FSTL5: variants seen among roughly 807,000 people sequenced by gnomAD.
FSTL5 encodes the protein follistatin like 5.
A neutral mutation model predicts 89.1 loss-of-function variants in FSTL5; 62 were observed. The observed-to-expected ratio is 0.70, with a 90% CI of 0.57 to 0.86. The LOEUF is 0.86. FSTL5 is among the 40% of genes least tolerant of loss of function. The pLI is 0.00. For synonymous variants in FSTL5, 383 were observed against 346.2 expected, an observed-to-expected ratio of 1.11 and a Z score of -1.18; for missense variants, 1,057 against 1,001.6, an observed-to-expected ratio of 1.06 and a Z score of -0.75.
intron 6 of FSTL5, among the ~76,000 whole-genome samples, chr4:161,675,202 A>T (rs531031345): frequency 6.7e-6 from 1 of 150,174 alleles, no homozygotes; most frequent in African/African-American, 2.5e-5. Context: ...TCATTAAGAA[A>T]CGTCACACAA....
rs185098522 is a variant in FSTL5 at position 161,920,387 on chromosome 4, G to T, written c.409+17C>A. 334 of 1,610,224 alleles carry T rather than the reference G, an allele frequency of 2.1e-4. No homozygotes were observed. Among genetic ancestry groups the T allele is most frequent in the Non-Finnish European group, 2.2e-4 (256 of 1,177,440 alleles). On this transcript the variant is annotated intron_variant, in intron 4 of 15. Coordinates refer to ENST00000306100, the MANE Select transcript of FSTL5 (RefSeq NM_020116.5). ...GAAATAGAGTGGGGTGACACTTAAGGTTCACCCTTCATTTACCTTTAAAGA... is the reference window on the plus strand; with the variant it reads ...GAAATAGAGTGGGGTGACACTTAAGTTTCACCCTTCATTTACCTTTAAAGA...
intron 6 of FSTL5, among the ~76,000 whole-genome samples, chr4:161,739,433 C>A (rs1739928219): frequency 1.3e-5 from 2 of 152,124 alleles, no homozygotes; most frequent in Admixed American, 6.5e-5. Flanking sequence ...TTGTTCAAGC[C>A]ACCCAATCTG....
At chr4:161,739,696 C>T (rs1739936732) in intron 6 of FSTL5, among the ~76,000 whole-genome samples, 1 of 151,984 alleles carries the variant, frequency 6.6e-6, no homozygotes, top group Non-Finnish European at 1.5e-5. Flanking sequence ...AAGGTAAACA[C>T]CTTAGTAAGA....
intron 3 of FSTL5, among the ~76,000 whole-genome samples, chr4:161,932,073 G>C (rs1734301137): frequency 1.3e-5 from 2 of 151,920 alleles, no homozygotes; most frequent in African/African-American, 2.4e-5. Flanking sequence ...TATTTGAATA[G>C]ATAAAAAGCA....
intron 4 of FSTL5, among the ~76,000 whole-genome samples, chr4:161,821,109 C>G (rs950876346): frequency 2.6e-4 from 39 of 152,122 alleles, no homozygotes; most frequent in African/African-American, 9.4e-4. Context: ...GCAATCATGG[C>G]TCATTACAGC....
chr4:161,553,604 A>C (rs1732287392), intron 8 of FSTL5, among the ~76,000 whole-genome samples: 1 of 151,412 alleles, frequency 6.6e-6, no homozygotes, highest in Non-Finnish European at 1.5e-5. Flanking sequence ...AGCATTGAAA[A>C]AAAAATACAT....
chr4:161,408,061 G>A (rs1731448557), intron 15 of FSTL5, among the ~76,000 whole-genome samples: 1 of 152,140 alleles, frequency 6.6e-6, no homozygotes, highest in Non-Finnish European at 1.5e-5. Flanking sequence ...ACACAGGTTT[G>A]TGGGCTGGTG....
chr4:161,516,567 G>A (rs7376080), intron 10 of FSTL5, among the ~76,000 whole-genome samples: 43 of 105,222 alleles, frequency 4.1e-4, no homozygotes, highest in East Asian at 2.1e-3. Context: ...ATTTCATATA[G>A]TAAATTATAT....
At chr4:161,819,471 A>G (rs1404221294) in intron 4 of FSTL5, among the ~76,000 whole-genome samples, 2 of 152,068 alleles carry the variant, frequency 1.3e-5, no homozygotes, top group Admixed American at 1.3e-4. Flanking sequence ...ATTATTCTTC[A>G]GTTTCCAGTT....
intron 15 of FSTL5, among the ~76,000 whole-genome samples, chr4:161,430,033 C>G (rs926134383): frequency 2.0e-5 from 3 of 151,882 alleles, no homozygotes; most frequent in Non-Finnish European, 4.4e-5. Context: ...GTAAATTTAA[C>G]AAAGAGATTG....
At chr4:162,112,026 T>C (rs540249318) in intron 1 of FSTL5, among the ~76,000 whole-genome samples, 2 of 152,326 alleles carry the variant, frequency 1.3e-5, no homozygotes, top group East Asian at 3.9e-4. Context: ...TTATGTCTAC[T>C]TCAGCCTTTC....
intron 6 of FSTL5, among the ~76,000 whole-genome samples, chr4:161,668,604 C>T (rs1460084946): frequency 1.3e-5 from 2 of 152,036 alleles, no homozygotes; most frequent in African/African-American, 2.4e-5. Flanking sequence ...GGCATAGATG[C>T]AAAAATTCTC....
chr4:161,439,578 A>G (rs905372611), intron 15 of FSTL5, among the ~76,000 whole-genome samples: 2 of 152,234 alleles, frequency 1.3e-5, no homozygotes, highest in African/African-American at 4.8e-5. Context: ...CATCATTACA[A>G]ACACAGATAA....
intron 2 of FSTL5, among the ~76,000 whole-genome samples, chr4:162,057,243 AG>A (rs1738573636): frequency 6.6e-6 from 1 of 152,192 alleles, no homozygotes; most frequent in Non-Finnish European, 1.5e-5. Flanking sequence ...GGATTGTAAA[AG>A]CTTTCCCTCT....
intron 4 of FSTL5, among the ~76,000 whole-genome samples, chr4:161,836,198 G>C (rs928810949): frequency 2.7e-5 from 4 of 149,530 alleles, no homozygotes. Flanking sequence ...GTAAACTATC[G>C]CAAGAACAAA....
chr4:161,435,121 C>G (rs903647348), intron 15 of FSTL5, among the ~76,000 whole-genome samples: 2 of 152,144 alleles, frequency 1.3e-5, no homozygotes, highest in African/African-American at 4.8e-5. Flanking sequence ...GATACCTACA[C>G]TCCTATGTTT....
Position 161,999,401 on chromosome 4 carries a change from T to G in FSTL5, c.160+34224A>C, listed in dbSNP as rs185923029. On this transcript the variant is annotated intron_variant, in intron 3 of 15. Transcript: ENST00000306100. Reference sequence around the variant, plus strand: ...AATTTGTAAATTGTAATTTGTAAATTTGTATTGTAAGTTGAAACTGGAATG... The same window carrying G: ...AATTTGTAAATTGTAATTTGTAAATGTGTATTGTAAGTTGAAACTGGAATG... Among the ~76,000 whole-genome samples, 259 of 152,260 alleles carry G rather than the reference T, an allele frequency of 1.7e-3. 4 individuals are homozygous for G. The highest frequency in any genetic ancestry group is 0.016 in the Admixed American group (237 of 15,288).
intron 3 of FSTL5, among the ~76,000 whole-genome samples, chr4:161,962,603 T>C (rs1262277378): frequency 2.0e-5 from 3 of 151,880 alleles, no homozygotes; most frequent in Non-Finnish European, 2.9e-5. Flanking sequence ...AATGGAATTA[T>C]AGGCATTGTA....
intron 2 of FSTL5, among the ~76,000 whole-genome samples, chr4:162,071,173 T>C (rs1729605251): frequency 1.3e-5 from 2 of 151,406 alleles, no homozygotes; most frequent in South Asian, 2.1e-4. Flanking sequence ...ATTCCTCCAA[T>C]TAAAAAATAT....
Sources: allele counts gnomAD v4.1 joint callset (sites outside exome capture counted in the v4.1 genomes callset), GRCh38; gene constraint gnomAD v4.1.1; transcripts MANE v1.5; gene names NCBI Gene and HGNC (gene_info 2026-07-23, HGNC 2026-07-21).